The following PAFAH2 variants were observed in gnomAD, a reference collection of about 807,000 sequenced individuals.
PAFAH2 encodes platelet activating factor acetylhydrolase 2.
A neutral mutation model predicts 49.0 loss-of-function variants in PAFAH2; 42 were observed. The observed-to-expected ratio is 0.86, with a 90% CI of 0.67 to 1.11. The LOEUF (loss-of-function observed/expected upper bound fraction) is 1.11, where lower values mean the gene tolerates loss of function less well. Among genes scored for constraint, PAFAH2 ranks in the 50% least tolerant of loss-of-function variants. PAFAH2 has a pLI of 0.00. For synonymous variants in PAFAH2, 184 were observed against 181.3 expected (o/e 1.01, Z -0.12); for missense variants, 503 against 501.8 (o/e 1.00, Z -0.02).
At chr1:25,971,783 T>C (rs1013960248) in intron 10 of PAFAH2, among the ~76,000 whole-genome samples, 1 of 152,242 alleles carries the variant, frequency 6.6e-6, no homozygotes, top group Non-Finnish European at 1.5e-5. Context: ...AGCTGGACCA[T>C]GGACCTCTGC....
chr1:25,976,824 T>C (rs1297975555), intron 7 of PAFAH2, 51 bp from the exon 8 acceptor site: 4 of 1,443,540 alleles, frequency 2.8e-6, no homozygotes, highest in Non-Finnish European at 3.9e-6. Flanking sequence ...ACTGCTTCTT[T>C]AGGAATTCAT....
chr1:25,969,546 C>T (rs771873169), intron 10 of PAFAH2, among the ~76,000 whole-genome samples: 3 of 152,204 alleles, frequency 2.0e-5, no homozygotes, highest in Non-Finnish European at 2.9e-5. Context: ...AAATTTCCTA[C>T]GCTTTGGTAT....
At chr1:25,977,544 A>G (rs1274856348) in intron 7 of PAFAH2, among the ~76,000 whole-genome samples, 1 of 150,838 alleles carries the variant, frequency 6.6e-6, no homozygotes, top group African/African-American at 2.4e-5. Context: ...GGTCCCAGCT[A>G]CTCAGGAGGC....
intron 4 of PAFAH2, among the ~76,000 whole-genome samples, chr1:25,986,587 T>C (rs1241303832): frequency 2.0e-5 from 3 of 152,120 alleles, no homozygotes; most frequent in Non-Finnish European, 4.4e-5. Flanking sequence ...TGGAGTGCAA[T>C]GGCACAATCT....
intron 7 of PAFAH2, among the ~76,000 whole-genome samples, chr1:25,979,638 C>A (rs1018968906): frequency 5.9e-5 from 9 of 152,196 alleles, no homozygotes; most frequent in African/African-American, 2.2e-4. Context: ...CAGGTGTCTG[C>A]CACCATGCCC....
At chr1:25,965,445 C>A (rs1010342767) in intron 10 of PAFAH2, among the ~76,000 whole-genome samples, 1 of 152,148 alleles carries the variant, frequency 6.6e-6, no homozygotes, top group Non-Finnish European at 1.5e-5. Context: ...AAACAATCAA[C>A]AGAGTAAATA....
chr1:25,978,516 C>T (rs573999747), intron 7 of PAFAH2, among the ~76,000 whole-genome samples: 1 of 152,336 alleles, frequency 6.6e-6, no homozygotes, highest in Admixed American at 6.5e-5. Flanking sequence ...CAAATCTTTT[C>T]CTCTTCTTCC....
At chr1:25,989,366 A>C in intron 3 of PAFAH2, 82 bp downstream of exon 3, 1 of 1,342,678 alleles carries the variant, frequency 7.4e-7, no homozygotes, top group Non-Finnish European at 9.9e-7. Flanking sequence ...TGCAGGCTAT[A>C]AGGTACTGCG....
chr1:25,987,237 A>AAAAATAAAAT lies in PAFAH2; in HGVS notation c.341+984_341+993dup, dbSNP rs59896051. 9.4e-3 allele frequency among the ~76,000 whole-genome samples: 1,255 copies of AAAAATAAAAT among 133,870 alleles called. 11 individuals carry two copies. The highest frequency in any genetic ancestry group is 0.021 in the Middle Eastern group (6 of 280). The allele number at this position is 133,870 out of a possible 152,430, so 87.8% of individuals were successfully genotyped here. A position where few individuals can be genotyped will look rare whatever the true frequency, so the allele number is the denominator to read the frequency against. On this transcript the variant is annotated intron_variant, in intron 4 of 10. Coordinates refer to ENST00000374282, the MANE Select transcript of PAFAH2 (RefSeq NM_000437.4). ...CGACTGATCGAGACTCTGTCTCAGAAAAAATAAAATAAAATAAAATAAAAT... is the reference window on the plus strand; with the variant it reads ...CGACTGATCGAGACTCTGTCTCAGAAAAAATAAAATAAAATAAAATAAAATAAAATAAAAT...
intron 1 of PAFAH2, among the ~76,000 whole-genome samples, chr1:25,993,373 C>T (rs902040183): frequency 3.3e-5 from 5 of 152,102 alleles, no homozygotes; most frequent in African/African-American, 9.7e-5. Flanking sequence ...CCTCCACAAT[C>T]GTTTTCCCCT....
chr1:25,966,534 C>T (rs755679631), intron 10 of PAFAH2, among the ~76,000 whole-genome samples: 3 of 152,058 alleles, frequency 2.0e-5, no homozygotes, highest in South Asian at 4.2e-4. Context: ...AATGCTGTAC[C>T]GAATGCTGTC....
Position 25,973,688 on chromosome 1 carries a change from C to G in PAFAH2, c.929+792G>C, listed in dbSNP as rs138977820. 2.7e-3 allele frequency among the ~76,000 whole-genome samples: 415 copies of G among 152,306 alleles called. 5 individuals are homozygous for G. The highest frequency in any genetic ancestry group is 0.016 in the East Asian group (84 of 5,186). ...GCAAGGGAAGAAGCCACTGGCCATA[C>G]TGCCGGCCCCAGTGCTCGAGGGCTC... On this transcript the variant is annotated intron_variant, in intron 9 of 10. Transcript: ENST00000374282.
intron 6 of PAFAH2, among the ~76,000 whole-genome samples, chr1:25,982,723 G>A (rs2049710468): frequency 6.6e-6 from 1 of 152,140 alleles, no homozygotes; most frequent in South Asian, 2.1e-4. Flanking sequence ...GCTGTCAGAA[G>A]GATCCAATGA....
At position 25,960,367 on chromosome 1, in the gene PAFAH2, G is replaced by C. The variant is rs750088422; in HGVS notation, c.*1622C>G. 2.0e-5 allele frequency: 3 copies of C among 152,660 alleles called. No homozygotes were observed. Among genetic ancestry groups the C allele is most frequent in the Admixed American group, 6.5e-5 (1 of 15,274 alleles). The allele number at this position is 152,660 out of a possible 1,614,324, so 9.5% of individuals were successfully genotyped here. The stretch of plus-strand genomic sequence containing the variant: ...GAGGCACGAAGTCTTGAGTAGTGGA[G>C]AAGAGAGTTTCAGTTTGATGCCCCC... On this transcript the variant is annotated 3_prime_UTR_variant, in exon 11 of 11. Coordinates refer to ENST00000374282, the MANE Select transcript of PAFAH2 (RefSeq NM_000437.4).
chr1:25,979,631 G>A (rs1465948573), intron 7 of PAFAH2, among the ~76,000 whole-genome samples: 4 of 152,154 alleles, frequency 2.6e-5, no homozygotes, highest in Non-Finnish European at 4.4e-5. Flanking sequence ...GGGATCACAG[G>A]TGTCTGCCAC....
chr1:25,988,265 AG>A lies in PAFAH2; in HGVS notation c.306del (p.Leu103Ter). On this transcript the variant is annotated frameshift_variant, in exon 4 of 11. Coordinates refer to ENST00000374282, the MANE Select transcript of PAFAH2 (RefSeq NM_000437.4). LOFTEE classifies it high-confidence loss of function. ...CCTAGGCCATGGGAGAAGATGATCA[AG>A]GGGTATCCAGAGTCCTTTGTCTTAA... ...GPFKTKDSGY[P>X]LIIFSHGLGA... The A allele has an allele frequency of 1.9e-6, 3 of 1,609,326 alleles. No homozygotes were observed. The highest frequency in any genetic ancestry group is 2.5e-6 in the Non-Finnish European group (3 of 1,177,832).
chr1:25,990,873 G>A lies in PAFAH2; in HGVS notation c.-47-10C>T. On this transcript the variant is annotated splice_polypyrimidine_tract_variant and intron_variant, in intron 1 of 10. Transcript: ENST00000374282. ...GAGCTGAACTTGCTGGCTGGATGGG[G>A]GAACACAGAACAGCAGCCGCTTGCT... The A allele has an allele frequency of 7.1e-7, 1 of 1,414,824 alleles. No homozygotes were observed. The highest frequency in any genetic ancestry group is 1.0e-6 in the Non-Finnish European group (1 of 1,001,406). The allele number at this position is 1,414,824 out of a possible 1,614,324, so 87.6% of individuals were successfully genotyped here.
intron 10 of PAFAH2, among the ~76,000 whole-genome samples, chr1:25,966,797 C>T (rs2049430383): frequency 6.6e-6 from 1 of 151,982 alleles, no homozygotes; most frequent in Non-Finnish European, 1.5e-5. Flanking sequence ...TTTGGGAGGC[C>T]AACACAGGCA....
intron 3 of PAFAH2, 86 bp from the exon 4 acceptor site, chr1:25,988,413 A>G: frequency 1.1e-6 from 1 of 941,850 alleles, no homozygotes; most frequent in South Asian, 1.4e-5. Flanking sequence ...GGGTGGGGAC[A>G]TGTGTTTCTC....
Sources: allele counts gnomAD v4.1 joint callset (sites outside exome capture counted in the v4.1 genomes callset), GRCh38; gene constraint gnomAD v4.1.1; transcripts MANE v1.5; gene names NCBI Gene and HGNC (gene_info 2026-07-23, HGNC 2026-07-21).